HYOU1: variants seen among roughly 807,000 people sequenced by gnomAD.
HYOU1 encodes hypoxia up-regulated 1.
Under a neutral mutation model 120.5 loss-of-function variants are expected in HYOU1, and 40 were observed. The ratio of observed to expected loss-of-function variants is 0.33; its 90% CI spans 0.26 to 0.43. The LOEUF is 0.43. Ranked by LOEUF, HYOU1 falls within the 20% of genes least tolerant of loss-of-function variation. HYOU1 has a pLI of 1.00. For missense variants in HYOU1, 1,085 were observed against 1,278.3 expected (o/e 0.85, Z 2.31); for synonymous variants, 501 against 479.4 (o/e 1.05, Z -0.59).
In HYOU1 at chr11:119,045,495, C is replaced by T. The variant is rs782779471; in HGVS notation, c.*98G>A. 27 of 1,054,256 alleles carry T rather than the reference C, an allele frequency of 2.6e-5. 1 individual carries two copies. In the South Asian group the frequency reaches 2.6e-4, roughly 10 times the overall value. 65.3% of individuals were successfully genotyped at this position (1,054,256 alleles called of 1,614,324 possible). A position where few individuals can be genotyped will look rare whatever the true frequency, so the allele number is the denominator to read the frequency against. On this transcript the variant is annotated 3_prime_UTR_variant, in exon 26 of 26. Coordinates refer to ENST00000617285, the MANE Select transcript of HYOU1 (RefSeq NM_006389.5). ...ACAGGGGTGAGAAAGGAACTCCAGCCGAGGGCAGGACCAACCCCTCCCCCA... is the reference window on the plus strand; with the variant it reads ...ACAGGGGTGAGAAAGGAACTCCAGCTGAGGGCAGGACCAACCCCTCCCCCA...
intron 16 of HYOU1, 158 bp from the exon 17 acceptor site, chr11:119,049,361 G>A: frequency 6.4e-7 from 1 of 1,554,654 alleles, no homozygotes; most frequent in Middle Eastern, 1.7e-4. Context: ...GCTGGACAAA[G>A]GAAGAGCATC....
Position 119,055,669 on chromosome 11 carries a change from T to G in HYOU1, c.185+81A>C, listed in dbSNP as rs1272449846. On this transcript the variant is annotated intron_variant, in intron 3 of 25. Coordinates refer to ENST00000617285, the MANE Select transcript of HYOU1 (RefSeq NM_006389.5). The surrounding 1 kb of genome is among the most constrained non-coding windows in gnomAD (Gnocchi z 4.0). ...TAACCACTCAGATGCCGAAGTCTGC[T>G]GTGGGCACTATGACTAACACATTCA... is the stretch of plus-strand genomic sequence containing the variant. The G allele has an allele frequency of 8.7e-6, 13 of 1,492,560 alleles. No individual in the cohort carries two copies. The highest frequency in any genetic ancestry group is 1.2e-5 in the Non-Finnish European group (13 of 1,069,392). The allele number at this position is 1,492,560 out of a possible 1,614,324, so 92.5% of individuals were successfully genotyped here. A position where few individuals can be genotyped will look rare whatever the true frequency, so the allele number is the denominator to read the frequency against.
Position 119,051,203 on chromosome 11 carries a change from G to A in HYOU1, c.1527-30C>T. 6.2e-7 allele frequency: 1 copy of A among 1,613,694 alleles called. No homozygotes were observed. Among genetic ancestry groups the A allele is most frequent in the African/African-American group, 1.3e-5 (1 of 75,046 alleles). On this transcript the variant is annotated intron_variant, in intron 13 of 25. Transcript: ENST00000617285. This position sits in a 1 kb window ranked among gnomAD's most constrained non-coding sequence, Gnocchi z 4.2. ...TTGGGAAGGAAAGAGGAGTTCAGGG[G>A]GACCCACCCCAGCCCATCTCGCCCT...
Position 119,055,881 on chromosome 11 carries a change from C to G in HYOU1, c.92-38G>C. On this transcript the variant is annotated intron_variant, in intron 2 of 25. Transcript: ENST00000617285. This position sits in a 1 kb window ranked among gnomAD's most constrained non-coding sequence, Gnocchi z 4.0. ...GAGGTTTGTCAGTTAGCTCTCCCTT[C>G]GCCCACCTTCCTGGGACTCCCTCTA... is the stretch of plus-strand genomic sequence containing the variant. 1 of 1,556,696 alleles carries G rather than the reference C, an allele frequency of 6.4e-7. No individual in the cohort carries two copies. The highest frequency in any genetic ancestry group is 2.2e-5 in the East Asian group (1 of 44,594).
At chr11:119,047,703 G>A (rs2133557574) in intron 22 of HYOU1, 31 bp downstream of exon 22, 11 of 1,563,362 alleles carry the variant, frequency 7.0e-6, no homozygotes, top group African/African-American at 1.4e-5. Flanking sequence ...TGGCAGCTAA[G>A]TATCTGGTTA....
rs1322414652 is a variant in HYOU1 at position 119,051,696 on chromosome 11, G to A, written c.1339-71C>T. The A allele has an allele frequency of 7.5e-6, 12 of 1,595,310 alleles. No homozygotes were observed. The highest frequency in any genetic ancestry group is 1.7e-4 in the Middle Eastern group (1 of 6,026). ...CCGAGTAGGTTCTGGGGTAAGGATG[G>A]GGGTGGGATGGGGGAGACCTCTTAG... On this transcript the variant is annotated intron_variant, in intron 12 of 25. Coordinates refer to ENST00000617285, the MANE Select transcript of HYOU1 (RefSeq NM_006389.5). The surrounding 1 kb of genome is among the most constrained non-coding windows in gnomAD (Gnocchi z 4.2).
At position 119,056,121 on chromosome 11, in the gene HYOU1, C is replaced by G; in HGVS notation, c.40G>C (p.Val14Leu). Residue 14 changes from valine (V) to leucine (L), a missense_variant, in exon 2 of 26, where the codon GTC becomes CTC. Val to Leu is a conservative substitution (Grantham distance 32, BLOSUM62 1). This residue lies in a region of HYOU1 where 45 missense variants were observed against 49.2 expected (regional missense o/e 0.91). Transcript: ENST00000617285. Reference sequence around the variant, plus strand: ...AGCACAGCCACCAAGGCCCAACAGACTCGCCTCCTCGGCCTCTGCCTCCTA... The same window carrying G: ...AGCACAGCCACCAAGGCCCAACAGAGTCGCCTCCTCGGCCTCTGCCTCCTA... Reference protein sequence around the residue: ...KVRRQRPRRRVCWALVAVLLA... With the variant: ...KVRRQRPRRRLCWALVAVLLA... The G allele has an allele frequency of 6.2e-7, 1 of 1,614,126 alleles. No individual in the cohort carries two copies. The highest frequency in any genetic ancestry group is 8.5e-7 in the Non-Finnish European group (1 of 1,180,038).
intron 8 of HYOU1, chr11:119,053,072 C>T (rs1944542575): frequency 4.5e-6 from 2 of 441,766 alleles, no homozygotes; most frequent in African/African-American, 2.0e-5. Context: ...TATGTACTTC[C>T]CTCTGGGAAT....
chr11:119,056,211 G>T, intron 1 of HYOU1, 44 bp from the exon 2 acceptor site: 1 of 1,324,088 alleles, frequency 7.6e-7, no homozygotes, highest in South Asian at 1.2e-5. Flanking sequence ...TGGATACCCG[G>T]AGTGAAGGAG....
chr11:119,047,594 G>C (rs1308032541), intron 22 of HYOU1, 140 bp downstream of exon 22: 3 of 724,504 alleles, frequency 4.1e-6, no homozygotes, highest in Non-Finnish European at 7.2e-6. Flanking sequence ...TCAGAGGTGG[G>C]CTCAAATACA....
chr11:119,051,544 C>T lies in HYOU1; in HGVS notation c.1420G>A (p.Gly474Arg), dbSNP rs2133585756. ...ATGACTTTGCGTTGAGGGTAGGGCC[C>T]CATCCGAGAGAAGAGTACCCGTTTA... Reference protein sequence around the residue: ...HNKRVLFSRMGPYPQRKVITF... With the variant: ...HNKRVLFSRMRPYPQRKVITF... Residue 474 changes from glycine to arginine, a missense_variant, in exon 13 of 26, where the codon GGG becomes AGG. Gly to Arg is a moderately radical substitution (Grantham distance 125, BLOSUM62 -2). This residue lies in a region of HYOU1 where 515 missense variants were observed against 677.8 expected (regional missense o/e 0.76). Transcript: ENST00000617285. The surrounding 1 kb of genome is among the most constrained non-coding windows in gnomAD (Gnocchi z 4.2). 5.0e-6 allele frequency: 8 copies of T among 1,614,108 alleles called. No homozygotes were observed. The Admixed American group carries it at 1.3e-4, about 27-fold the overall frequency.
At position 119,048,915 on chromosome 11, in the gene HYOU1, A is replaced by G; in HGVS notation, c.1993-29T>C. ...GGTGGGAAGAGTCAGGGGTGTCAGGAAAAGCCTCTGCCCTCCTACATTCTC... is the reference window on the plus strand; with the variant it reads ...GGTGGGAAGAGTCAGGGGTGTCAGGGAAAGCCTCTGCCCTCCTACATTCTC... On this transcript the variant is annotated intron_variant, in intron 17 of 25. Transcript: ENST00000617285. This position sits in a 1 kb window ranked among gnomAD's most constrained non-coding sequence, Gnocchi z 4.7. 1 of 1,604,622 alleles carries G rather than the reference A, an allele frequency of 6.2e-7. No homozygotes were observed. Among genetic ancestry groups the G allele is most frequent in the Non-Finnish European group, 8.5e-7 (1 of 1,175,840 alleles).
In HYOU1 at chr11:119,046,602, G is replaced by A. The variant is rs2133551336; in HGVS notation, c.2796C>T (p.Ala932=). The part of the protein sequence containing the change: ...NGTRAEPPLN[A]SASDQGEKVI... Reference sequence around the variant, plus strand: ...CCTTCTCCCCCTGGTCACTGGCACTGGCATTGAGGGGTGGCTCTGCCCGGG... The same window carrying A: ...CCTTCTCCCCCTGGTCACTGGCACTAGCATTGAGGGGTGGCTCTGCCCGGG... Residue 932 remains alanine (A), a synonymous_variant, in exon 23 of 26, where the codon GCC becomes GCT. Transcript: ENST00000617285. 1.9e-6 allele frequency: 3 copies of A among 1,614,100 alleles called. No individual in the cohort carries two copies. Among genetic ancestry groups the A allele is most frequent in the Non-Finnish European group, 2.5e-6 (3 of 1,179,962 alleles).
chr11:119,049,921 T>G (rs1944322019), intron 14 of HYOU1, 84 bp from the exon 15 acceptor site: 5 of 1,207,118 alleles, frequency 4.1e-6, no homozygotes, highest in Admixed American at 3.4e-5. Context: ...TGTTTGCTTA[T>G]GCACACTCCA....
chr11:119,050,268 C>T (rs1022277901), intron 14 of HYOU1, among the ~76,000 whole-genome samples: 1 of 151,960 alleles, frequency 6.6e-6, no homozygotes, highest in African/African-American at 2.4e-5. Flanking sequence ...CAAAAATTAG[C>T]CAGGTGTGGT....
chr11:119,048,944 A>C lies in HYOU1; in HGVS notation c.1993-58T>G, dbSNP rs1944248701. On this transcript the variant is annotated intron_variant, in intron 17 of 25. Transcript: ENST00000617285. The surrounding 1 kb of genome is among the most constrained non-coding windows in gnomAD (Gnocchi z 4.7). ...GCCTCTGCCCTCCTACATTCTCCAC[A>C]AGGCCAGAAACAAGGCAGGCGCCTG... 6.2e-7 allele frequency: 1 copy of C among 1,608,840 alleles called. No individual in the cohort carries two copies. The highest frequency in any genetic ancestry group is 1.3e-5 in the African/African-American group (1 of 74,580).
chr11:119,047,902 C>T (rs1019746764), intron 21 of HYOU1, 45 bp downstream of exon 21: 2 of 1,613,904 alleles, frequency 1.2e-6, no homozygotes, highest in Non-Finnish European at 1.7e-6. Context: ...GAATGAAAAC[C>T]AGTGGCCTTG....
chr11:119,051,341 C>G lies in HYOU1; in HGVS notation c.1526+97G>C. On this transcript the variant is annotated intron_variant, in intron 13 of 25. Coordinates refer to ENST00000617285, the MANE Select transcript of HYOU1 (RefSeq NM_006389.5). This position sits in a 1 kb window ranked among gnomAD's most constrained non-coding sequence, Gnocchi z 4.2. Reference sequence around the variant, plus strand: ...GATCATAGCTGCCCTGTTTCAGCCCCGCAGGCCCACATCCTCCCTCACCCC... The same window carrying G: ...GATCATAGCTGCCCTGTTTCAGCCCGGCAGGCCCACATCCTCCCTCACCCC... 6.7e-7 allele frequency: 1 copy of G among 1,498,760 alleles called. No homozygotes were observed. The highest frequency in any genetic ancestry group is 1.2e-5 in the South Asian group (1 of 82,338). 92.8% of individuals were successfully genotyped at this position (1,498,760 alleles called of 1,614,324 possible). A position where few individuals can be genotyped will look rare whatever the true frequency, so the allele number is the denominator to read the frequency against.
At chr11:119,049,726 A>G in intron 15 of HYOU1, 51 bp downstream of exon 15, 2 of 1,607,732 alleles carry the variant, frequency 1.2e-6, no homozygotes, top group South Asian at 1.1e-5. Context: ...CACCTCCCCA[A>G]CCTTCACACA....
Sources: allele counts gnomAD v4.1 joint callset (sites outside exome capture counted in the v4.1 genomes callset), GRCh38; gene constraint gnomAD v4.1.1; regional missense constraint gnomAD v4.1.1; non-coding constraint Gnocchi (gnomAD v3.1); transcripts MANE v1.5; gene names NCBI Gene and HGNC (gene_info 2026-07-23, HGNC 2026-07-21).